ATG5: variants seen among roughly 807,000 people sequenced by gnomAD.
ATG5 encodes the protein autophagy related 5, also known as autophagy protein 5.
ATG5 carries 14 observed loss-of-function variants against 36.5 expected under a neutral mutation model. The ratio of observed to expected loss-of-function variants is 0.38; its 90% CI spans 0.25 to 0.60. The LOEUF is 0.60. Among genes scored for constraint, ATG5 ranks in the 20% least tolerant of loss-of-function variants. The pLI, the probability that ATG5 is intolerant of heterozygous loss-of-function variation, is 0.60. For synonymous variants in ATG5, 95 were observed against 101.5 expected, an observed-to-expected ratio of 0.94 and a Z score of 0.38; for missense variants, 195 against 326.7, an observed-to-expected ratio of 0.60 and a Z score of 3.11.
intron 5 of ATG5, among the ~76,000 whole-genome samples, chr6:106,251,933 C>T (rs1778608887): frequency 6.6e-6 from 1 of 151,912 alleles, no homozygotes. Flanking sequence ...CTCCACCTCC[C>T]AGGTTCAAGA....
Position 106,204,935 on chromosome 6 carries a change from G to C in ATG5, c.574-2846C>G, listed in dbSNP as rs144002295. On this transcript the variant is annotated intron_variant, in intron 6 of 7. Coordinates refer to ENST00000369076, the MANE Select transcript of ATG5 (RefSeq NM_004849.4). ...CAAGAACAATATCATGCATAATCAA[G>C]TGATTAACTGTGTAAAGATAATAAG... Among the ~76,000 whole-genome samples the C allele has an allele frequency of 4.3e-4, 66 of 152,260 alleles. No homozygotes were observed. The East Asian group carries it at 9.8e-3, about 23-fold the overall frequency.
At position 106,186,280 on chromosome 6, in the gene ATG5, T is replaced by A. The variant is rs542567718; in HGVS notation, c.*260A>T. On this transcript the variant is annotated 3_prime_UTR_variant, in exon 8 of 8. Transcript: ENST00000369076. ...CAAAGGTTTCAGCTTCATTATATTTTACAGAAGACCTTCAGTGGTCCGGTA... is the reference window on the plus strand; with the variant it reads ...CAAAGGTTTCAGCTTCATTATATTTAACAGAAGACCTTCAGTGGTCCGGTA... The A allele has an allele frequency of 1.9e-4, 78 of 400,452 alleles. No homozygotes were observed. Among genetic ancestry groups the A allele is most frequent in the Non-Finnish European group, 3.2e-4 (71 of 224,896 alleles). 24.8% of individuals were successfully genotyped at this position (400,452 alleles called of 1,614,324 possible). A position where few individuals can be genotyped will look rare whatever the true frequency, so the allele number is the denominator to read the frequency against.
chr6:106,276,685 A>G (rs907576394), intron 5 of ATG5, among the ~76,000 whole-genome samples: 1 of 152,066 alleles, frequency 6.6e-6, no homozygotes, highest in Admixed American at 6.5e-5. Context: ...TTCACAATAG[A>G]CTCTAAGAAC....
intron 7 of ATG5, among the ~76,000 whole-genome samples, chr6:106,198,253 T>C (rs1381852196): frequency 6.6e-6 from 1 of 152,082 alleles, no homozygotes; most frequent in Non-Finnish European, 1.5e-5. Flanking sequence ...TACAGGAAAA[T>C]GGCAACACTG....
intron 6 of ATG5, among the ~76,000 whole-genome samples, chr6:106,203,413 GTT>G (rs1776511878): frequency 6.6e-6 from 1 of 152,072 alleles, no homozygotes; most frequent in African/African-American, 2.4e-5. Flanking sequence ...TATCTCTTGA[GTT>G]TGTTGTGGAA....
chr6:106,197,059 T>C (rs73522606), intron 7 of ATG5, among the ~76,000 whole-genome samples: 13,040 of 152,274 alleles, frequency 0.086, 589 homozygotes, highest in South Asian at 0.13. Context: ...TCTGTGACAA[T>C]TGTGCTGCTG....
intron 6 of ATG5, among the ~76,000 whole-genome samples, chr6:106,243,708 G>T (rs2787529): frequency 4.0e-5 from 6 of 151,764 alleles, no homozygotes; most frequent in African/African-American, 1.5e-4. Context: ...GTGGGCAATT[G>T]TAATCCTAGC....
At chr6:106,204,414 A>G (rs1776553621) in intron 6 of ATG5, among the ~76,000 whole-genome samples, 5 of 152,192 alleles carry the variant, frequency 3.3e-5, no homozygotes, top group Admixed American at 2.0e-4. Context: ...GATAATATGC[A>G]TTGAATATGA....
At chr6:106,295,552 T>C (rs2114636539) in intron 3 of ATG5, among the ~76,000 whole-genome samples, 1 of 151,528 alleles carries the variant, frequency 6.6e-6, no homozygotes, top group South Asian at 2.1e-4. Context: ...ATCTATAATA[T>C]AAAATCAAGT....
chr6:106,305,436 T>G (rs1770407322), intron 3 of ATG5, among the ~76,000 whole-genome samples: 1 of 152,178 alleles, frequency 6.6e-6, no homozygotes, highest in African/African-American at 2.4e-5. Flanking sequence ...GACTTTAGTT[T>G]TTTTTTCTTG....
intron 3 of ATG5, among the ~76,000 whole-genome samples, chr6:106,301,206 T>C (rs1770193002): frequency 1.3e-5 from 2 of 152,032 alleles, no homozygotes; most frequent in South Asian, 4.1e-4. Flanking sequence ...GCACTTTCCA[T>C]TTCCCATGTA....
chr6:106,306,877 C>T (rs1021038138), intron 3 of ATG5, among the ~76,000 whole-genome samples: 1 of 152,100 alleles, frequency 6.6e-6, no homozygotes, highest in Non-Finnish European at 1.5e-5. Context: ...GGAAGCATTG[C>T]CTTATCTATG....
intron 6 of ATG5, among the ~76,000 whole-genome samples, chr6:106,225,108 C>T (rs1393391457): frequency 2.0e-5 from 3 of 152,112 alleles, no homozygotes; most frequent in African/African-American, 7.2e-5. Flanking sequence ...ATGTGCCAGG[C>T]ACAATAGTTT....
chr6:106,278,281 A>G (rs1424603316), intron 5 of ATG5, among the ~76,000 whole-genome samples: 2 of 152,202 alleles, frequency 1.3e-5, no homozygotes, highest in African/African-American at 2.4e-5. Flanking sequence ...TAAGAACTAT[A>G]GTTTGAAGAG....
intron 6 of ATG5, among the ~76,000 whole-genome samples, chr6:106,243,960 G>A (rs1778233248): frequency 8.4e-6 from 1 of 118,392 alleles, no homozygotes; most frequent in Admixed American, 1.1e-4. Flanking sequence ...TGATGCCCAG[G>A]CTTGAGTGTA....
intron 1 of ATG5, among the ~76,000 whole-genome samples, chr6:106,323,317 T>G (rs1771170023): frequency 7.3e-6 from 1 of 136,188 alleles, no homozygotes; most frequent in South Asian, 2.4e-4. Context: ...TCACCCAGGA[T>G]GGACTACAGT....
At chr6:106,235,581 A>C (rs1777867812) in intron 6 of ATG5, among the ~76,000 whole-genome samples, 1 of 152,172 alleles carries the variant, frequency 6.6e-6, no homozygotes, top group Admixed American at 6.5e-5. Context: ...TGGGCTTGCA[A>C]CTTAGCTCAC....
At chr6:106,293,195 C>A in intron 3 of ATG5, 89 bp from the exon 4 acceptor site, 2 of 1,030,282 alleles carry the variant, frequency 1.9e-6, no homozygotes, top group Non-Finnish European at 1.5e-6. Context: ...TATTTTAACA[C>A]CAAATGTCAG....
At chr6:106,224,490 A>G (rs569994821) in intron 6 of ATG5, among the ~76,000 whole-genome samples, 59 of 152,352 alleles carry the variant, frequency 3.9e-4, no homozygotes, top group African/African-American at 1.4e-3. Flanking sequence ...GAAACTGGAC[A>G]CTGAAACAGA....
Sources: gnomAD v4.1 joint callset for allele counts (sites outside exome capture counted in the v4.1 genomes callset) on GRCh38, gnomAD v4.1.1 for gene constraint, MANE v1.5 for transcripts, NCBI Gene and HGNC (gene_info 2026-07-23, HGNC 2026-07-21) for gene names.